USP26: variants seen among roughly 807,000 people sequenced by gnomAD.
USP26 encodes ubiquitin specific peptidase 26, also known as ubiquitin carboxyl-terminal hydrolase 26.
For synonymous variants in USP26, 236 were observed against 240.6 expected, an observed-to-expected ratio of 0.98 and a Z score of 0.18; for missense variants, 649 against 642.3, an observed-to-expected ratio of 1.01 and a Z score of -0.11.
At chrX:133,096,511 A>T (rs754598347) in intron 1 of USP26, among the ~76,000 whole-genome samples, 1 of 111,844 alleles carries the variant, frequency 8.9e-6, no homozygotes, top group Non-Finnish European at 1.9e-5. Context: ...AGAAATACAA[A>T]CAACATCGCA....
chrX:133,086,728 A>G (rs1470410685), intron 4 of USP26, among the ~76,000 whole-genome samples: 1 of 109,895 alleles, frequency 9.1e-6, no homozygotes, highest in Non-Finnish European at 1.9e-5. Context: ...CCTGACCAAC[A>G]TGGTGAAACG....
intron 5 of USP26, among the ~76,000 whole-genome samples, chrX:133,034,762 G>A (rs2067390215): frequency 9.0e-6 from 1 of 111,231 alleles, no homozygotes; most frequent in Non-Finnish European, 1.9e-5. Context: ...CAGCACTTTG[G>A]GAGACCGAGG....
intron 1 of USP26, among the ~76,000 whole-genome samples, chrX:133,093,462 T>G (rs757927044): frequency 9.1e-6 from 1 of 110,149 alleles, no homozygotes; most frequent in South Asian, 3.9e-4. Flanking sequence ...GAGCTTAAAG[T>G]CTATTGAGGA....
rs183933801 is a variant in USP26, at chrX:133,024,078, A to T, written c.*1401T>A. Among the ~76,000 whole-genome samples the T allele has an allele frequency of 3.6e-5, 4 of 111,600 alleles. No homozygotes were observed. In the East Asian group the frequency reaches 1.1e-3, roughly 31 times the overall value. On this transcript the variant is annotated 3_prime_UTR_variant, in exon 6 of 6. Coordinates refer to ENST00000511190, the MANE Select transcript of USP26 (RefSeq NM_031907.3). Reference sequence around the variant, plus strand: ...ACATGCTTGATGGCAAAATTATTAAATCCCCTGGATTTTAATGAAATATGA... The same window carrying T: ...ACATGCTTGATGGCAAAATTATTAATTCCCCTGGATTTTAATGAAATATGA...
intron 5 of USP26, among the ~76,000 whole-genome samples, chrX:133,061,254 G>C (rs2067493464): frequency 8.9e-6 from 1 of 112,246 alleles, no homozygotes; most frequent in Non-Finnish European, 1.9e-5. Flanking sequence ...CTGTACTCTG[G>C]AACACCTTCT....
intron 5 of USP26, among the ~76,000 whole-genome samples, chrX:133,037,299 T>A (rs1252190373): frequency 3.6e-5 from 4 of 112,538 alleles, no homozygotes. Flanking sequence ...AGGGTTTTTA[T>A]AGTTTTAGGT....
At chrX:133,066,853 C>G (rs145722682) in intron 5 of USP26, among the ~76,000 whole-genome samples, 3,670 of 111,811 alleles carry the variant, frequency 0.033, 163 homozygotes, top group African/African-American at 0.11. Flanking sequence ...GCAACTGCAA[C>G]AAAAGCCAGA....
At chrX:133,036,598 T>G (rs2067396657) in intron 5 of USP26, among the ~76,000 whole-genome samples, 1 of 112,048 alleles carries the variant, frequency 8.9e-6, no homozygotes, top group African/African-American at 3.2e-5. Context: ...TTTGGGCTGG[T>G]TCCAAGTCTT....
intron 1 of USP26, among the ~76,000 whole-genome samples, chrX:133,093,399 C>G (rs905099577): frequency 9.0e-6 from 1 of 111,686 alleles, no homozygotes; most frequent in South Asian, 3.7e-4. Flanking sequence ...ATATCAGGCA[C>G]TATTAGAGAC....
chrX:133,062,395 G>T (rs911962536), intron 5 of USP26, among the ~76,000 whole-genome samples: 4 of 112,254 alleles, frequency 3.6e-5, no homozygotes, highest in African/African-American at 9.7e-5. Flanking sequence ...TCTCAGCATA[G>T]CACTTGAGCT....
rs777041637 is a variant in USP26 at position 133,027,360 on chromosome X, T to C, written c.861A>G (p.Glu287=). The part of the protein sequence containing the change: ...TKWDKLKLFF[E]LFPEKICHGL... ...CGTGGCATATTTTCTCTGGAAATAATTCAAAAAATAGTTTTAATTTATCCC... is the reference window on the plus strand; with the variant it reads ...CGTGGCATATTTTCTCTGGAAATAACTCAAAAAATAGTTTTAATTTATCCC... The change falls in exon 6 of 6, where the codon GAA becomes GAG. Residue 287 remains glutamate (E), a synonymous_variant. Coordinates refer to ENST00000511190, the MANE Select transcript of USP26 (RefSeq NM_031907.3). The C allele has an allele frequency of 3.4e-5, 41 of 1,209,449 alleles. No individual in the cohort carries two copies. The highest frequency in any genetic ancestry group is 4.6e-5 in the Non-Finnish European group (41 of 894,767).
intron 5 of USP26, among the ~76,000 whole-genome samples, chrX:133,043,977 A>C (rs1170025522): frequency 8.9e-6 from 1 of 112,350 alleles, no homozygotes; most frequent in Non-Finnish European, 1.9e-5. Flanking sequence ...AAAAAGAAGT[A>C]AGTCCACAAG....
rs146813546 is a variant in USP26, at chrX:133,061,628, C to A, written c.-77+22079G>T. Among the ~76,000 whole-genome samples the A allele has an allele frequency of 1.7e-3, 189 of 112,179 alleles. 1 individual carries two copies. The highest frequency in any genetic ancestry group is 5.5e-3 in the African/African-American group (170 of 30,896). ...GTTAATCTCACTGGGACTGGTTAGG[C>A]AGTGGGTGCAGCCTACAGAGGGCGA... On this transcript the variant is annotated intron_variant, in intron 5 of 5. Transcript: ENST00000511190.
chrX:133,078,503 C>A (rs746716299), intron 5 of USP26, among the ~76,000 whole-genome samples: 1 of 111,901 alleles, frequency 8.9e-6, no homozygotes, highest in Non-Finnish European at 1.9e-5. Flanking sequence ...CTAGGCTGAG[C>A]CCAGGTATTG....
intron 5 of USP26, among the ~76,000 whole-genome samples, chrX:133,078,102 A>G (rs946412501): frequency 2.7e-5 from 3 of 109,810 alleles, no homozygotes; most frequent in African/African-American, 9.9e-5. Context: ...ACAAAACAAA[A>G]AAAGAGCCAG....
Position 133,027,318 on chromosome X carries a change from T to G in USP26, c.903A>C (p.Gly301=). ...EKICHGLPNL[G]NTCYMNAVLQ... is the part of the protein sequence containing the mutation. ...ACACTGCATTCATATAACAGGTGTT[T>G]CCCAAATTGGGGAGGCCGTGGCATA... Residue 301 remains glycine, a synonymous_variant, in exon 6 of 6, where the codon GGA becomes GGC. Transcript: ENST00000511190. 10 of 1,210,573 alleles carry G rather than the reference T, an allele frequency of 8.3e-6. No homozygotes were observed. Among genetic ancestry groups the G allele is most frequent in the Non-Finnish European group, 1.1e-5 (10 of 894,357 alleles).
intron 5 of USP26, among the ~76,000 whole-genome samples, chrX:133,042,670 A>C (rs1192137345): frequency 8.9e-6 from 1 of 111,789 alleles, no homozygotes; most frequent in East Asian, 2.8e-4. Flanking sequence ...CAAGGAGCTC[A>C]ATATTTATTT....
chrX:133,033,861 A>C (rs2067386898), intron 5 of USP26, among the ~76,000 whole-genome samples: 1 of 112,354 alleles, frequency 8.9e-6, no homozygotes, highest in Non-Finnish European at 1.9e-5. Flanking sequence ...AGATAAATAC[A>C]AACAATGGCC....
chrX:133,079,941 T>C (rs758674723), intron 5 of USP26, among the ~76,000 whole-genome samples: 10 of 111,623 alleles, frequency 9.0e-5, no homozygotes, highest in Non-Finnish European at 1.9e-4. Context: ...TGACAGTTAT[T>C]GTAGGTGGAC....
Sources: allele counts gnomAD v4.1 joint callset (sites outside exome capture counted in the v4.1 genomes callset), GRCh38; gene constraint gnomAD v4.1.1; transcripts MANE v1.5; gene names NCBI Gene and HGNC (gene_info 2026-07-23, HGNC 2026-07-21).